Variants in BTBD9 observed in about 807,000 individuals in gnomAD.
The protein encoded by BTBD9 is BTB/POZ domain-containing protein 9.
Under a neutral mutation model 64.3 loss-of-function variants are expected in BTBD9, and 49 were observed. That is an observed-to-expected ratio of 0.76 (90% CI 0.61 to 0.97). BTBD9 has a LOEUF of 0.97. Among genes scored for constraint, BTBD9 ranks in the 50% least tolerant of loss-of-function variants. The probability of loss-of-function intolerance (pLI) is 0.00; values close to 1 mark genes in which losing one functional copy is unlikely to be tolerated. For missense variants in BTBD9, 598 were observed against 762.1 expected (o/e 0.78, Z 2.53); for synonymous variants, 260 against 274.7 (o/e 0.95, Z 0.53).
intron 6 of BTBD9, among the ~76,000 whole-genome samples, chr6:38,410,790 G>A (rs535233206): frequency 2.6e-5 from 4 of 152,128 alleles, no homozygotes; most frequent in Admixed American, 6.6e-5. Flanking sequence ...CACTTTGGGA[G>A]GCTGAGGTGG....
At chr6:38,265,054 G>C (rs1764923553) in intron 8 of BTBD9, among the ~76,000 whole-genome samples, 1 of 152,022 alleles carries the variant, frequency 6.6e-6, no homozygotes, top group East Asian at 1.9e-4. Flanking sequence ...CTCATATCTG[G>C]GACGTGGAGG....
At chr6:38,563,810 CCTGCT>C (rs1775354074) in intron 6 of BTBD9, among the ~76,000 whole-genome samples, 1 of 136,078 alleles carries the variant, frequency 7.3e-6, no homozygotes, top group Non-Finnish European at 1.5e-5. Context: ...GAGACGGAGT[CCTGCT>C]CTGTTGCCCA....
At chr6:38,592,975 G>A in intron 3 of BTBD9, 135 bp from the exon 4 acceptor site, 1 of 873,196 alleles carries the variant, frequency 1.1e-6, no homozygotes, top group Non-Finnish European at 1.7e-6. Flanking sequence ...TATGCTTTGT[G>A]CCACATATTC....
chr6:38,543,914 G>GCCACTGCACTCCAACCTGGGAGACA (rs1774408733), intron 6 of BTBD9, among the ~76,000 whole-genome samples: 4 of 149,202 alleles, frequency 2.7e-5, no homozygotes, highest in Non-Finnish European at 5.9e-5. Context: ...CCGAGATCGC[G>GCCACTGCACTCCAACCTGGGAGACA]CCACTGCACT....
At chr6:38,418,637 A>AT (rs977945291) in intron 6 of BTBD9, among the ~76,000 whole-genome samples, 2 of 152,122 alleles carry the variant, frequency 1.3e-5, no homozygotes, top group Non-Finnish European at 2.9e-5. Flanking sequence ...TTTTCAAAAC[A>AT]TTTTTTCCCC....
chr6:38,485,529 C>CAGCT (rs1390219791), intron 6 of BTBD9, among the ~76,000 whole-genome samples: 2 of 152,214 alleles, frequency 1.3e-5, no homozygotes, highest in Non-Finnish European at 2.9e-5. Context: ...TCTCCTTGTA[C>CAGCT]AGCTCCATCA....
intron 4 of BTBD9, among the ~76,000 whole-genome samples, chr6:38,586,661 C>T (rs1376972796): frequency 1.3e-5 from 2 of 152,142 alleles, no homozygotes; most frequent in African/African-American, 2.4e-5. Flanking sequence ...ATAAACAGAC[C>T]TATCTTTTCA....
At chr6:38,207,300 G>A (rs1762690738) in intron 9 of BTBD9, 3 of 258,168 alleles carry the variant, frequency 1.2e-5, no homozygotes, top group Non-Finnish European at 2.5e-5. Flanking sequence ...GCATGTATTA[G>A]CTGAATCCAG....
intron 8 of BTBD9, among the ~76,000 whole-genome samples, chr6:38,261,771 T>C (rs1764802368): frequency 6.6e-6 from 1 of 152,240 alleles, no homozygotes; most frequent in Admixed American, 6.5e-5. Context: ...ATCCTCTCTC[T>C]AGTCCTCTAT....
intron 6 of BTBD9, among the ~76,000 whole-genome samples, chr6:38,462,378 T>C (rs896925639): frequency 6.6e-5 from 10 of 152,248 alleles, no homozygotes; most frequent in Non-Finnish European, 1.5e-5. Context: ...CATTTTTACA[T>C]ATGAATATCC....
intron 6 of BTBD9, among the ~76,000 whole-genome samples, chr6:38,442,646 A>T (rs1769087656): frequency 6.7e-6 from 1 of 149,624 alleles, no homozygotes; most frequent in Non-Finnish European, 1.5e-5. Flanking sequence ...CATATAGAAC[A>T]GACTCATTTG....
intron 6 of BTBD9, among the ~76,000 whole-genome samples, chr6:38,547,004 T>C (rs1055580361): frequency 6.6e-6 from 1 of 152,138 alleles, no homozygotes. Flanking sequence ...GATGTTACCA[T>C]TGTAATTGTA....
At chr6:38,562,970 T>C (rs1446768830) in intron 6 of BTBD9, among the ~76,000 whole-genome samples, 1 of 152,202 alleles carries the variant, frequency 6.6e-6, no homozygotes, top group Admixed American at 6.5e-5. Flanking sequence ...AACCATGCAC[T>C]GAGTGTTGCC....
At chr6:38,203,782 G>T (rs934620672) in intron 9 of BTBD9, among the ~76,000 whole-genome samples, 1 of 151,436 alleles carries the variant, frequency 6.6e-6, no homozygotes, top group Non-Finnish European at 1.5e-5. Context: ...TGAAGAAAGG[G>T]GGGTGAATAG....
chr6:38,598,619 T>A (rs943746051), intron 1 of BTBD9, among the ~76,000 whole-genome samples: 5 of 151,954 alleles, frequency 3.3e-5, no homozygotes, highest in East Asian at 3.9e-4. Context: ...ATATTTCATT[T>A]AAAAAAAATC....
chr6:38,499,219 T>C (rs1048872683), intron 6 of BTBD9, among the ~76,000 whole-genome samples: 7 of 152,010 alleles, frequency 4.6e-5, no homozygotes, highest in Admixed American at 3.9e-4. Context: ...CTGCCAAGTA[T>C]TGCCCATTGT....
intron 6 of BTBD9, among the ~76,000 whole-genome samples, chr6:38,387,839 T>C (rs1766245712): frequency 6.6e-6 from 1 of 152,134 alleles, no homozygotes; most frequent in Non-Finnish European, 1.5e-5. Flanking sequence ...GAAGAGCTAA[T>C]TCACAGGGTG....
At chr6:38,420,753 G>A (rs1268411896) in intron 6 of BTBD9, among the ~76,000 whole-genome samples, 2 of 152,062 alleles carry the variant, frequency 1.3e-5, no homozygotes, top group African/African-American at 2.4e-5. Flanking sequence ...CTACTCAGGA[G>A]GCCGAGGCAG....
intron 9 of BTBD9, among the ~76,000 whole-genome samples, chr6:38,202,997 T>A (rs1489864286): frequency 6.6e-6 from 1 of 151,848 alleles, no homozygotes; most frequent in Non-Finnish European, 1.5e-5. Context: ...AAAATTTCAT[T>A]AAAAAATGGG....
Sources: allele counts gnomAD v4.1 joint callset (sites outside exome capture counted in the v4.1 genomes callset), GRCh38; gene constraint gnomAD v4.1.1; transcripts MANE v1.5; gene names NCBI Gene and HGNC (gene_info 2026-07-23, HGNC 2026-07-21).